RAP1GAP2: variants seen among roughly 807,000 people sequenced by gnomAD.
RAP1GAP2 encodes rap1 GTPase-activating protein 2.
RAP1GAP2 carries 27 observed loss-of-function variants against 95.0 expected under a neutral mutation model. The observed-to-expected ratio is 0.28, with a 90% CI of 0.21 to 0.39. RAP1GAP2 has a LOEUF of 0.39. Among genes scored for constraint, RAP1GAP2 ranks in the 10% least tolerant of loss-of-function variants. RAP1GAP2 has a pLI of 1.00. For missense variants in RAP1GAP2, 771 were observed against 970.0 expected (o/e 0.79, Z 2.72); for synonymous variants, 373 against 380.9 (o/e 0.98, Z 0.24).
chr17:2,960,581 G>A (rs370028872), intron 4 of RAP1GAP2, among the ~76,000 whole-genome samples: 5 of 152,348 alleles, frequency 3.3e-5, no homozygotes, highest in African/African-American at 7.2e-5. Context: ...CGCGCTTGGT[G>A]AGCCGGTGAC....
chr17:2,875,685 A>G (rs2073062882), intron 2 of RAP1GAP2, among the ~76,000 whole-genome samples: 1 of 151,990 alleles, frequency 6.6e-6, no homozygotes, highest in Admixed American at 6.6e-5. Context: ...CACGACAGTG[A>G]ATGTCTTGTC....
At chr17:2,994,185 G>A (rs1597821423) in intron 12 of RAP1GAP2, among the ~76,000 whole-genome samples, 1 of 152,304 alleles carries the variant, frequency 6.6e-6, no homozygotes, top group East Asian at 1.9e-4. Flanking sequence ...ATCACGTGCT[G>A]ATTTAGTGGC....
chr17:2,755,854 A>G, intron 1 of RAP1GAP2: 1 of 332,122 alleles, frequency 3.0e-6, no homozygotes, highest in Non-Finnish European at 5.5e-6. Context: ...GCGCGGGCCC[A>G]AAGTTTCGTC....
At chr17:2,915,126 G>C (rs58475522) in intron 3 of RAP1GAP2, among the ~76,000 whole-genome samples, 9,255 of 152,104 alleles carry the variant, frequency 0.061, 755 homozygotes, top group East Asian at 0.3. Context: ...GACTCACTAT[G>C]TCGCCCGGGT....
At position 2,940,305 on chromosome 17, in the gene RAP1GAP2, G is replaced by A. The variant is rs562406686; in HGVS notation, c.166-17454G>A. 4.6e-5 allele frequency among the ~76,000 whole-genome samples: 7 copies of A among 152,272 alleles called. No individual in the cohort carries two copies. The South Asian group carries it at 1.2e-3, about 27-fold the overall frequency. On this transcript the variant is annotated intron_variant, in intron 3 of 24. Coordinates refer to ENST00000254695, the MANE Select transcript of RAP1GAP2 (RefSeq NM_015085.5). ...AGGGCAGGGGACAGACTCAGCACCC[G>A]GGCCTTTCCTCCCTGGCTTGGAGAT...
At chr17:2,874,303 A>C (rs2072989668) in intron 2 of RAP1GAP2, among the ~76,000 whole-genome samples, 1 of 152,148 alleles carries the variant, frequency 6.6e-6, no homozygotes, top group South Asian at 2.1e-4. Flanking sequence ...CTTGAAGACT[A>C]AAAACACTCT....
chr17:2,998,232 G>C lies in RAP1GAP2; in HGVS notation c.1056G>C (p.Lys352Asn), dbSNP rs1285288695. 1 of 1,613,914 alleles carries C rather than the reference G, an allele frequency of 6.2e-7. No homozygotes were observed. The stretch of plus-strand genomic sequence containing the variant: ...CACTTTTTATTTAGCTCCAGAGAAA[G>C]AGACACATTGGAAATGACATCGTGG... Reference protein sequence around the residue: ...TDGDAQQLQRKRHIGNDIVAI... With the variant: ...TDGDAQQLQRNRHIGNDIVAI... Residue 352 changes from lysine to asparagine, a missense_variant, in exon 14 of 25, where the codon AAG becomes AAC. Lys to Asn is a moderately conservative substitution (Grantham distance 94, BLOSUM62 0). Transcript: ENST00000254695.
At chr17:2,967,196 G>A (rs374666911) in intron 8 of RAP1GAP2, among the ~76,000 whole-genome samples, 28 of 152,048 alleles carry the variant, frequency 1.8e-4, no homozygotes, top group South Asian at 6.3e-4. Context: ...GTGAAACCCC[G>A]TCTCTACTAA....
At chr17:2,942,383 C>T (rs1423529120) in intron 3 of RAP1GAP2, among the ~76,000 whole-genome samples, 2 of 152,084 alleles carry the variant, frequency 1.3e-5, no homozygotes, top group Non-Finnish European at 2.9e-5. Flanking sequence ...GTGTTTGGGG[C>T]TGAAACTTGG....
intron 3 of RAP1GAP2, among the ~76,000 whole-genome samples, chr17:2,917,707 C>A (rs1351670108): frequency 6.6e-6 from 1 of 151,356 alleles, no homozygotes; most frequent in African/African-American, 2.4e-5. Context: ...GCCTGGCCCC[C>A]CCGTTTTTAA....
chr17:2,973,808 A>G (rs548964940), intron 8 of RAP1GAP2, among the ~76,000 whole-genome samples: 5 of 152,254 alleles, frequency 3.3e-5, no homozygotes, highest in Non-Finnish European at 7.3e-5. Flanking sequence ...ATGTTTCAGA[A>G]TTGAAGAAAC....
upstream of RAP1GAP2, among the ~76,000 whole-genome samples, chr17:2,795,711 C>A (rs182099449): frequency 6.6e-6 from 1 of 152,156 alleles, no homozygotes; most frequent in Non-Finnish European, 1.5e-5. Context: ...CATGTGTATG[C>A]GTTCATGTCT....
Position 3,005,890 on chromosome 17 carries a change from G to A in RAP1GAP2, c.1273-65G>A. The A allele has an allele frequency of 6.8e-7, 1 of 1,469,578 alleles. No homozygotes were observed. Among genetic ancestry groups the A allele is most frequent in the Non-Finnish European group, 9.5e-7 (1 of 1,048,726 alleles). 91.0% of individuals were successfully genotyped at this position (1,469,578 alleles called of 1,614,324 possible). Reference sequence around the variant, plus strand: ...GCCCCGGCTCTGCCTGCCTGTCACTGTGGCTGAAGACCTTCTGGCAACAGC... The same window carrying A: ...GCCCCGGCTCTGCCTGCCTGTCACTATGGCTGAAGACCTTCTGGCAACAGC... On this transcript the variant is annotated intron_variant, in intron 15 of 24. Coordinates refer to ENST00000254695, the MANE Select transcript of RAP1GAP2 (RefSeq NM_015085.5). The surrounding 1 kb of genome is among the most constrained non-coding windows in gnomAD (Gnocchi z 5.2).
rs576847424 is a variant in RAP1GAP2, at chr17:2,827,980, C to A, written c.80+27430C>A. Among the ~76,000 whole-genome samples the A allele has an allele frequency of 6.6e-6, 1 of 152,158 alleles. No individual in the cohort carries two copies. Among genetic ancestry groups the A allele is most frequent in the Non-Finnish European group, 1.5e-5 (1 of 68,038 alleles). On this transcript the variant is annotated intron_variant, in intron 2 of 24. Coordinates refer to ENST00000254695, the MANE Select transcript of RAP1GAP2 (RefSeq NM_015085.5). The surrounding 1 kb of genome is among the most constrained non-coding windows in gnomAD (Gnocchi z 4.1). ...TCCCTGTGGGGGAGCCACAAGAGGC[C>A]GTCCCTGGGCCTGCAAGCATGAGAT...
rs536308176 is a variant in RAP1GAP2 at position 2,865,691 on chromosome 17, G to GC, written c.81-39589dup. ...GCTTTTGAGAGTGACAGCAATAAATGCCCCTTGTGGATGGCCAGAAGGTCC... is the reference window on the plus strand; with the variant it reads ...GCTTTTGAGAGTGACAGCAATAAATGCCCCCTTGTGGATGGCCAGAAGGTCC... On this transcript the variant is annotated intron_variant, in intron 2 of 24. Transcript: ENST00000254695. 7.2e-5 allele frequency among the ~76,000 whole-genome samples: 11 copies of GC among 152,312 alleles called. No homozygotes were observed. In the East Asian group the frequency reaches 1.9e-3, roughly 27 times the overall value.
intron 3 of RAP1GAP2, among the ~76,000 whole-genome samples, chr17:2,949,897 A>T (rs1350054245): frequency 3.9e-5 from 6 of 152,216 alleles, no homozygotes; most frequent in Non-Finnish European, 7.3e-5. Context: ...CCATGCTGCC[A>T]CTGGCTGATT....
In RAP1GAP2 at chr17:3,010,336, CAAAAA is replaced by C. The variant is rs1179623628; in HGVS notation, c.1494+2211_1494+2215del. On this transcript the variant is annotated intron_variant, in intron 17 of 24. Coordinates refer to ENST00000254695, the MANE Select transcript of RAP1GAP2 (RefSeq NM_015085.5). The stretch of plus-strand genomic sequence containing the variant: ...GCCTGGAGACAGGGCGAGACTGTCT[CAAAAA>C]AAAAAAAAAAAAAAAAAAAGAAAAG... 4.6e-3 allele frequency among the ~76,000 whole-genome samples: 323 copies of C among 70,292 alleles called. 1 individual carries two copies. Among genetic ancestry groups the C allele is most frequent in the African/African-American group, 0.017 (307 of 18,290 alleles). The allele number at this position is 70,292 out of a possible 152,430, so 46.1% of individuals were successfully genotyped here.
intron 2 of RAP1GAP2, among the ~76,000 whole-genome samples, chr17:2,828,602 G>A (rs963534541): frequency 1.3e-5 from 2 of 152,052 alleles, no homozygotes; most frequent in African/African-American, 2.4e-5. Flanking sequence ...TTCCCCGTCC[G>A]CCAGCAGGTG....
intron 3 of RAP1GAP2, among the ~76,000 whole-genome samples, chr17:2,909,833 T>A (rs1399533622): frequency 2.6e-5 from 4 of 152,204 alleles, no homozygotes. Context: ...TCCTGGGGAC[T>A]CAGACTGGGT....
Sources: gnomAD v4.1 joint callset for allele counts (sites outside exome capture counted in the v4.1 genomes callset) on GRCh38, gnomAD v4.1.1 for gene constraint, Gnocchi (gnomAD v3.1) non-coding constraint, MANE v1.5 for transcripts, NCBI Gene and HGNC (gene_info 2026-07-23, HGNC 2026-07-21) for gene names.